RAPGEF4: variants seen among roughly 807,000 people sequenced by gnomAD.
The protein encoded by RAPGEF4 is Rap guanine nucleotide exchange factor 4.
A neutral mutation model predicts 147.9 loss-of-function variants in RAPGEF4; 66 were observed. The observed-to-expected ratio is 0.45, with a 90% confidence interval of 0.37 to 0.55. The LOEUF is 0.55. Among genes scored for constraint, RAPGEF4 ranks in the 20% least tolerant of loss-of-function variants. The pLI, the probability that RAPGEF4 is intolerant of heterozygous loss-of-function variation, is 0.00. For missense variants in RAPGEF4, 1,071 were observed against 1,257.3 expected, an observed-to-expected ratio of 0.85 and a Z score of 2.24; for synonymous variants, 419 against 442.7, an observed-to-expected ratio of 0.95 and a Z score of 0.67.
At chr2:172,746,671 G>A (rs1025139913) in intron 1 of RAPGEF4, among the ~76,000 whole-genome samples, 1 of 151,186 alleles carries the variant, frequency 6.6e-6, no homozygotes, top group African/African-American at 2.4e-5. Flanking sequence ...GGAGTGCAGT[G>A]GCATGATCTC....
chr2:172,823,641 T>C (rs1054411412), intron 4 of RAPGEF4, among the ~76,000 whole-genome samples: 3 of 152,034 alleles, frequency 2.0e-5, no homozygotes, highest in Non-Finnish European at 4.4e-5. Flanking sequence ...CTGTGAGAGG[T>C]TAGGGCACAG....
intron 10 of RAPGEF4, among the ~76,000 whole-genome samples, chr2:172,972,312 A>G (rs903866399): frequency 3.9e-5 from 6 of 152,176 alleles, no homozygotes; most frequent in African/African-American, 1.4e-4. Flanking sequence ...AAATCCTGGT[A>G]ATTATAGAGG....
At position 172,961,272 on chromosome 2, in the gene RAPGEF4, G is replaced by A. The variant is rs747955951; in HGVS notation, c.698+44G>A. 3.5e-6 allele frequency: 5 copies of A among 1,432,446 alleles called. No individual in the cohort carries two copies. In the East Asian group the frequency reaches 9.1e-5, roughly 26 times the overall value. The allele number at this position is 1,432,446 out of a possible 1,614,324, so 88.7% of individuals were successfully genotyped here. A position where few individuals can be genotyped will look rare whatever the true frequency, so the allele number is the denominator to read the frequency against. On this transcript the variant is annotated intron_variant, in intron 8 of 30. Transcript: ENST00000397081. ...AAGGCTGTGCCCCGCTCATATTCAT[G>A]TTTAGTGAAAATGGAACAAAAATGC...
intron 1 of RAPGEF4, among the ~76,000 whole-genome samples, chr2:172,758,222 C>A (rs988714547): frequency 6.6e-6 from 1 of 151,798 alleles, no homozygotes; most frequent in Non-Finnish European, 1.5e-5. Flanking sequence ...GGTGTGGGTG[C>A]GTGTGTAGGT....
chr2:172,784,472 C>G (rs1346438188), intron 1 of RAPGEF4, among the ~76,000 whole-genome samples: 1 of 150,242 alleles, frequency 6.7e-6, no homozygotes, highest in Non-Finnish European at 1.5e-5. Context: ...GCGCCGAGAT[C>G]GTGCCACTGC....
chr2:172,903,251 C>T (rs1312815889), intron 4 of RAPGEF4, among the ~76,000 whole-genome samples: 1 of 151,458 alleles, frequency 6.6e-6, no homozygotes, highest in African/African-American at 2.4e-5. Flanking sequence ...CACCTGTAGT[C>T]CCAGCTACTC....
At chr2:172,783,799 G>A (rs1437265093) in intron 1 of RAPGEF4, among the ~76,000 whole-genome samples, 1 of 151,878 alleles carries the variant, frequency 6.6e-6, no homozygotes, top group Non-Finnish European at 1.5e-5. Flanking sequence ...TGTGTGGTGG[G>A]AGTGGGTGTG....
chr2:172,837,428 T>G (rs1166225961), intron 4 of RAPGEF4, among the ~76,000 whole-genome samples: 1 of 152,156 alleles, frequency 6.6e-6, no homozygotes, highest in African/African-American at 2.4e-5. Flanking sequence ...AAACTTGTGA[T>G]TTGTACCACA....
At position 172,859,401 on chromosome 2, in the gene RAPGEF4, G is replaced by A. The variant is rs115429834; in HGVS notation, c.444+44976G>A. Among the ~76,000 whole-genome samples the A allele has an allele frequency of 3.6e-3, 547 of 152,336 alleles. 3 individuals are homozygous for A. Among genetic ancestry groups the A allele is most frequent in the African/African-American group, 0.013 (532 of 41,578 alleles). On this transcript the variant is annotated intron_variant, in intron 4 of 30. Transcript: ENST00000397081. ...TTTCCTCTTCCCAAACATTTGTGGA[G>A]GTTGAGAAGATTTTAAACATGTTTT...
Position 172,985,710 on chromosome 2 carries a change from T to C in RAPGEF4, c.1150+217T>C, listed in dbSNP as rs181683512. ...ATCGTGGTTTTCTAGTACCAGCAAG[T>C]GTTGTGGGTGCCAGCCTGAGTCTCA... On this transcript the variant is annotated intron_variant, in intron 12 of 30. Coordinates refer to ENST00000397081, the MANE Select transcript of RAPGEF4 (RefSeq NM_007023.4). 4.5e-3 allele frequency among the ~76,000 whole-genome samples: 681 copies of C among 152,186 alleles called. 4 individuals carry two copies. Among genetic ancestry groups the C allele is most frequent in the Non-Finnish European group, 6.7e-3 (458 of 68,002 alleles).
At chr2:172,980,623 C>T (rs1691578473) in intron 10 of RAPGEF4, among the ~76,000 whole-genome samples, 1 of 152,170 alleles carries the variant, frequency 6.6e-6, no homozygotes, top group South Asian at 2.1e-4. Flanking sequence ...AGCTGGAATT[C>T]TGCCATCTTT....
intron 6 of RAPGEF4, among the ~76,000 whole-genome samples, chr2:172,947,240 G>T (rs1020537682): frequency 2.6e-5 from 4 of 152,188 alleles, no homozygotes; most frequent in Admixed American, 1.3e-4. Context: ...GAAAATATAT[G>T]CTTTGGCAGG....
chr2:172,862,016 C>T (rs75389829), intron 4 of RAPGEF4, among the ~76,000 whole-genome samples: 246 of 152,272 alleles, frequency 1.6e-3, no homozygotes, highest in Non-Finnish European at 2.8e-3. Flanking sequence ...TCAACAGCGG[C>T]AATGGCCAAA....
At chr2:172,889,204 A>AT (rs559516833) in intron 4 of RAPGEF4, among the ~76,000 whole-genome samples, 4 of 151,272 alleles carry the variant, frequency 2.6e-5, no homozygotes, top group Non-Finnish European at 5.9e-5. Context: ...TGTGGCACTC[A>AT]TTTTTTTTTC....
chr2:172,818,457 G>A (rs999299146), intron 4 of RAPGEF4, among the ~76,000 whole-genome samples: 1 of 152,174 alleles, frequency 6.6e-6, no homozygotes, highest in African/African-American at 2.4e-5. Flanking sequence ...TTCAATGTTC[G>A]GTGACAGGTT....
At chr2:172,985,685 A>T (rs1478927698) in intron 12 of RAPGEF4, among the ~76,000 whole-genome samples, 192 bp downstream of exon 12, 1 of 152,134 alleles carries the variant, frequency 6.6e-6, no homozygotes, top group Non-Finnish European at 1.5e-5. Context: ...ATTCTGAAGT[A>T]TCGTGGTTTT....
chr2:172,942,150 C>G (rs969924834), intron 6 of RAPGEF4, among the ~76,000 whole-genome samples: 6 of 150,598 alleles, frequency 4.0e-5, no homozygotes, highest in African/African-American at 1.5e-4. Context: ...GAAATTTACT[C>G]TCTTAGCAAT....
intron 4 of RAPGEF4, among the ~76,000 whole-genome samples, chr2:172,818,138 G>A (rs1484890830): frequency 6.6e-6 from 1 of 151,538 alleles, no homozygotes; most frequent in African/African-American, 2.4e-5. Flanking sequence ...TAAGCTATGA[G>A]GATGCAAAGG....
chr2:172,759,262 C>T (rs1433351106), intron 1 of RAPGEF4, among the ~76,000 whole-genome samples: 2 of 152,054 alleles, frequency 1.3e-5, no homozygotes, highest in African/African-American at 4.8e-5. Flanking sequence ...GCTGGCAGTA[C>T]TAAAAACAAA....
Sources: gnomAD v4.1 joint callset for allele counts (sites outside exome capture counted in the v4.1 genomes callset) on GRCh38, gnomAD v4.1.1 for gene constraint, MANE v1.5 for transcripts, NCBI Gene and HGNC (gene_info 2026-07-23, HGNC 2026-07-21) for gene names.